DIP2B: variants seen among roughly 807,000 people sequenced by gnomAD.
The protein encoded by DIP2B is DIP2 acetate--CoA ligase B (putative), also known as disco-interacting protein 2 homolog B.
DIP2B carries 76 observed loss-of-function variants against 198.0 expected under a neutral mutation model. That is an observed-to-expected ratio of 0.38 (90% confidence interval 0.32 to 0.46). DIP2B has a LOEUF of 0.46. DIP2B is among the 20% of genes least tolerant of loss of function. DIP2B has a pLI of 0.99. For missense variants in DIP2B, 1,559 were observed against 1,978.4 expected, an observed-to-expected ratio of 0.79 and a Z score of 4.02; for synonymous variants, 701 against 739.1, an observed-to-expected ratio of 0.95 and a Z score of 0.84.
At chr12:50,538,345 A>G (rs1019919940) in intron 1 of DIP2B, among the ~76,000 whole-genome samples, 18 of 152,224 alleles carry the variant, frequency 1.2e-4, no homozygotes, top group African/African-American at 3.9e-4. Context: ...TGCATCAGCC[A>G]TCGGGGAGTG....
chr12:50,530,282 G>C (rs1162798271), intron 1 of DIP2B, among the ~76,000 whole-genome samples: 2 of 152,120 alleles, frequency 1.3e-5, no homozygotes, highest in African/African-American at 4.8e-5. Flanking sequence ...GGGTTTCACT[G>C]TGTTAGCCAG....
chr12:50,728,979 G>A (rs1939987404), intron 30 of DIP2B, among the ~76,000 whole-genome samples: 3 of 152,070 alleles, frequency 2.0e-5, no homozygotes, highest in African/African-American at 2.4e-5. Context: ...GATGATTCTC[G>A]GATGAAATAT....
intron 1 of DIP2B, among the ~76,000 whole-genome samples, chr12:50,590,951 G>T (rs1958813829): frequency 6.6e-6 from 1 of 152,184 alleles, no homozygotes; most frequent in Non-Finnish European, 1.5e-5. Context: ...ACTTTTAAGA[G>T]GTGAATGGAC....
At chr12:50,564,909 G>C (rs1387571252) in intron 1 of DIP2B, among the ~76,000 whole-genome samples, 1 of 152,110 alleles carries the variant, frequency 6.6e-6, no homozygotes, top group Non-Finnish European at 1.5e-5. Context: ...TCTTCCACCT[G>C]AGTCCATCAT....
At chr12:50,729,742 T>C (rs914402024) in intron 30 of DIP2B, among the ~76,000 whole-genome samples, 1 of 151,892 alleles carries the variant, frequency 6.6e-6, no homozygotes, top group Non-Finnish European at 1.5e-5. Flanking sequence ...TTTTCTTTTT[T>C]TTTTTTAATC....
At chr12:50,741,390 C>G (rs777160447) in intron 36 of DIP2B, 26 bp from the exon 37 acceptor site, 1 of 1,610,912 alleles carries the variant, frequency 6.2e-7, no homozygotes. Flanking sequence ...GTCCAAGCCA[C>G]ATTTCTCTCT....
At position 50,739,399 on chromosome 12, in the gene DIP2B, T is replaced by C; in HGVS notation, c.4177-10T>C. 1 of 1,599,870 alleles carries C rather than the reference T, an allele frequency of 6.3e-7. No individual in the cohort carries two copies. The highest frequency in any genetic ancestry group is 8.6e-7 in the Non-Finnish European group (1 of 1,167,828). ...CCCAGTGAGTTGTGATCAAAGCACT[T>C]TTCTTGTAGATTTGGGTGAACAGTC... On this transcript the variant is annotated splice_polypyrimidine_tract_variant and intron_variant, in intron 35 of 37. Coordinates refer to ENST00000301180, the MANE Select transcript of DIP2B (RefSeq NM_173602.3).
chr12:50,697,773 C>A (rs1266338876), intron 17 of DIP2B, among the ~76,000 whole-genome samples: 1 of 151,718 alleles, frequency 6.6e-6, no homozygotes, highest in Non-Finnish European at 1.5e-5. Context: ...TTGAGCAGTC[C>A]ACCTTCCTTG....
chr12:50,632,807 G>C (rs1021111039), intron 2 of DIP2B, among the ~76,000 whole-genome samples: 5 of 152,042 alleles, frequency 3.3e-5, no homozygotes, highest in African/African-American at 1.2e-4. Flanking sequence ...GAAGTGCTGA[G>C]ATTACGCGTG....
At chr12:50,590,557 A>G (rs1427236851) in intron 1 of DIP2B, among the ~76,000 whole-genome samples, 8 of 151,906 alleles carry the variant, frequency 5.3e-5, no homozygotes, top group Admixed American at 2.6e-4. Context: ...CTTAGTAGAG[A>G]TGGGGTTTCA....
intron 1 of DIP2B, among the ~76,000 whole-genome samples, chr12:50,571,549 T>TTG (rs541083831): frequency 5.5e-5 from 1 of 18,124 alleles, no homozygotes; most frequent in African/African-American, 5.0e-4. Flanking sequence ...AACCTAGGCG[T>TTG]TTTTTTTTTT....
rs537090968 is a variant in DIP2B at position 50,515,974 on chromosome 12, A to C, written c.100+10734A>C. On this transcript the variant is annotated intron_variant, in intron 1 of 37. Coordinates refer to ENST00000301180, the MANE Select transcript of DIP2B (RefSeq NM_173602.3). ...TATGACAAAATACCTTAGACTTGGTAAATTATAAATGATAGAAATTTATTG... is the reference window on the plus strand; with the variant it reads ...TATGACAAAATACCTTAGACTTGGTCAATTATAAATGATAGAAATTTATTG... Among the ~76,000 whole-genome samples, 3 of 152,268 alleles carry C rather than the reference A, an allele frequency of 2.0e-5. No individual in the cohort carries two copies. The South Asian group carries it at 6.2e-4, about 32-fold the overall frequency.
At chr12:50,629,601 G>A (rs1172371909) in intron 2 of DIP2B, among the ~76,000 whole-genome samples, 3 of 152,084 alleles carry the variant, frequency 2.0e-5, no homozygotes, top group East Asian at 1.9e-4. Flanking sequence ...GATCTCTTCC[G>A]AGCCCCCGAT....
intron 26 of DIP2B, among the ~76,000 whole-genome samples, chr12:50,722,802 C>T (rs1939866344): frequency 6.6e-6 from 1 of 152,186 alleles, no homozygotes; most frequent in South Asian, 2.1e-4. Context: ...AGTCTGATGG[C>T]TCTTTTTAGA....
At chr12:50,743,503 G>A (rs1044323440) in intron 37 of DIP2B, 5 of 152,128 alleles carry the variant, frequency 3.3e-5, no homozygotes, top group African/African-American at 1.2e-4. Flanking sequence ...CACTTGCGTG[G>A]GGCACTAATA....
chr12:50,649,121 A>G (rs1431583584), intron 3 of DIP2B, among the ~76,000 whole-genome samples: 1 of 152,208 alleles, frequency 6.6e-6, no homozygotes, highest in Non-Finnish European at 1.5e-5. Flanking sequence ...ATAAGTGGAA[A>G]GAGATCCCTT....
chr12:50,603,024 C>T (rs541798780), intron 1 of DIP2B, among the ~76,000 whole-genome samples: 5 of 151,120 alleles, frequency 3.3e-5, no homozygotes, highest in Admixed American at 6.6e-5. Context: ...ATTAGCCGGG[C>T]GTGGTGGCAG....
chr12:50,684,174 A>G (rs1004829186), intron 10 of DIP2B, among the ~76,000 whole-genome samples: 8 of 152,240 alleles, frequency 5.3e-5, no homozygotes, highest in African/African-American at 1.9e-4. Context: ...GATCATTTAT[A>G]AAGAATCCCA....
chr12:50,700,437 G>T (rs1471050449), intron 19 of DIP2B, among the ~76,000 whole-genome samples: 1 of 152,164 alleles, frequency 6.6e-6, no homozygotes, highest in Non-Finnish European at 1.5e-5. Flanking sequence ...AGTTCTTTGA[G>T]CTTCTTTTTC....
Sources: allele counts gnomAD v4.1 joint callset (sites outside exome capture counted in the v4.1 genomes callset), GRCh38; gene constraint gnomAD v4.1.1; transcripts MANE v1.5; gene names NCBI Gene and HGNC (gene_info 2026-07-23, HGNC 2026-07-21).